The following RBMS3 variants were observed in gnomAD, a reference collection of about 807,000 sequenced individuals.
RBMS3 encodes RNA-binding motif, single-stranded-interacting protein 3.
A neutral mutation model predicts 66.8 loss-of-function variants in RBMS3; 27 were observed. The ratio of observed to expected loss-of-function variants is 0.40; its 90% CI spans 0.30 to 0.56. The LOEUF is 0.56. RBMS3 is among the 20% of genes least tolerant of loss of function. The probability of loss-of-function intolerance (pLI) is 0.40; values close to 1 mark genes in which losing one functional copy is unlikely to be tolerated. For synonymous variants in RBMS3, 188 were observed against 183.0 expected (o/e 1.03, Z -0.22); for missense variants, 513 against 549.5 (o/e 0.93, Z 0.66).
intron 1 of RBMS3, among the ~76,000 whole-genome samples, chr3:29,341,140 T>C (rs2125537543): frequency 6.6e-6 from 1 of 152,202 alleles, no homozygotes; most frequent in South Asian, 2.1e-4. Context: ...TAAAAATCCA[T>C]ATATAAAAAT....
chr3:29,504,043 C>T (rs1303429754), intron 3 of RBMS3, among the ~76,000 whole-genome samples: 1 of 152,092 alleles, frequency 6.6e-6, no homozygotes, highest in African/African-American at 2.4e-5. Context: ...GAATTCCCAG[C>T]CCACATTAGC....
intron 6 of RBMS3, among the ~76,000 whole-genome samples, chr3:29,793,627 C>A (rs2057086084): frequency 2.0e-5 from 3 of 152,172 alleles, no homozygotes. Context: ...ATGGCCAACT[C>A]CAACTCTCTT....
chr3:29,609,972 A>G (rs2048440074), intron 4 of RBMS3, among the ~76,000 whole-genome samples: 1 of 151,986 alleles, frequency 6.6e-6, no homozygotes, highest in Admixed American at 6.6e-5. Flanking sequence ...ATTTGACCTA[A>G]TCCTATTTGC....
chr3:29,328,718 G>A (rs754723517), intron 1 of RBMS3, among the ~76,000 whole-genome samples: 5 of 152,054 alleles, frequency 3.3e-5, no homozygotes, highest in Non-Finnish European at 7.4e-5. Context: ...GACCTCCATT[G>A]GGTTAGATCT....
rs2031788562 is a variant in RBMS3 at position 29,281,621 on chromosome 3, G to C, written c.-61G>C. ...GGAATAGTGGTTTAAGAGGAAGCTC[G>C]GCCTGGGGCACTATACCCTGTCATC... is the stretch of plus-strand genomic sequence containing the variant. On this transcript the variant is annotated 5_prime_UTR_variant, in exon 1 of 15. Transcript: ENST00000383767. 4.3e-6 allele frequency: 6 copies of C among 1,407,398 alleles called. No individual in the cohort carries two copies. In the Middle Eastern group the frequency reaches 1.1e-3, roughly 250 times the overall value. 87.2% of individuals were successfully genotyped at this position (1,407,398 alleles called of 1,614,324 possible).
intron 6 of RBMS3, among the ~76,000 whole-genome samples, chr3:29,841,952 C>A (rs2058672118): frequency 6.6e-6 from 1 of 152,056 alleles, no homozygotes; most frequent in Admixed American, 6.5e-5. Context: ...TTAGTAATTA[C>A]TTGTCTTTTT....
At chr3:29,851,031 C>A (rs758760763) in intron 6 of RBMS3, among the ~76,000 whole-genome samples, 1 of 152,234 alleles carries the variant, frequency 6.6e-6, no homozygotes, top group East Asian at 1.9e-4. Flanking sequence ...ATTGCTCCCT[C>A]CTTTCTTTTA....
intron 2 of RBMS3, among the ~76,000 whole-genome samples, chr3:29,486,474 A>G (rs918826478): frequency 6.6e-6 from 1 of 152,118 alleles, no homozygotes; most frequent in African/African-American, 2.4e-5. Context: ...ATCAAGAAAT[A>G]GTATGGTTTG....
intron 6 of RBMS3, among the ~76,000 whole-genome samples, chr3:29,801,927 T>TA (rs2057403599): frequency 6.6e-6 from 1 of 152,168 alleles, no homozygotes; most frequent in Non-Finnish European, 1.5e-5. Context: ...TTACAGCATA[T>TA]TTGTATATTC....
chr3:29,475,576 C>T (rs1293676696), intron 2 of RBMS3, among the ~76,000 whole-genome samples: 1 of 152,094 alleles, frequency 6.6e-6, no homozygotes, highest in African/African-American at 2.4e-5. Flanking sequence ...ATTTACACCA[C>T]AATTAAGAGT....
chr3:29,937,688 T>G (rs1229473240), intron 11 of RBMS3, among the ~76,000 whole-genome samples: 2 of 151,980 alleles, frequency 1.3e-5, no homozygotes, highest in South Asian at 2.1e-4. Context: ...TCACCTACAC[T>G]TTTAGAAATC....
intron 10 of RBMS3, among the ~76,000 whole-genome samples, chr3:29,932,130 C>A (rs1489950485): frequency 6.6e-6 from 1 of 152,122 alleles, no homozygotes; most frequent in East Asian, 1.9e-4. Flanking sequence ...AGAAGCCAAA[C>A]TGATCAAATT....
At chr3:29,733,164 A>T (rs2054207498) in intron 4 of RBMS3, among the ~76,000 whole-genome samples, 1 of 152,066 alleles carries the variant, frequency 6.6e-6, no homozygotes, top group African/African-American at 2.4e-5. Flanking sequence ...CTATAGTTGC[A>T]TGCTTGCTTT....
In RBMS3 at chr3:30,010,134, A is replaced by T. The variant is rs1414801934; in HGVS notation, c.*6272A>T. The T allele has an allele frequency of 1.3e-5, 2 of 151,632 alleles. No individual in the cohort carries two copies. Among genetic ancestry groups the T allele is most frequent in the African/African-American group, 4.8e-5 (2 of 41,298 alleles). The allele number at this position is 151,632 out of a possible 1,614,324, so 9.4% of individuals were successfully genotyped here. On this transcript the variant is annotated 3_prime_UTR_variant, in exon 15 of 15. Transcript: ENST00000383767. Reference sequence around the variant, plus strand: ...CTTGTTTCAGTCCATATTCAACTTCATGGAACTTCTGAAACATCATTCAAT... The same window carrying T: ...CTTGTTTCAGTCCATATTCAACTTCTTGGAACTTCTGAAACATCATTCAAT...
At chr3:29,731,105 G>A (rs2054113261) in intron 4 of RBMS3, 1 of 830,326 alleles carries the variant, frequency 1.2e-6, no homozygotes. Context: ...TGAAATAAAA[G>A]CCAGCCCAAG....
intron 6 of RBMS3, among the ~76,000 whole-genome samples, chr3:29,791,323 T>C (rs2057005540): frequency 6.6e-6 from 1 of 152,204 alleles, no homozygotes; most frequent in African/African-American, 2.4e-5. Context: ...AGAAATTCCA[T>C]GTTCCACAAT....
At chr3:29,905,132 C>T (rs566509908) in intron 10 of RBMS3, among the ~76,000 whole-genome samples, 1 of 151,768 alleles carries the variant, frequency 6.6e-6, no homozygotes, top group Admixed American at 6.6e-5. Flanking sequence ...TGTGTCACAC[C>T]TACTCAATTC....
intron 12 of RBMS3, among the ~76,000 whole-genome samples, chr3:29,955,579 G>A (rs552140033): frequency 9.9e-5 from 15 of 152,128 alleles, no homozygotes; most frequent in African/African-American, 3.6e-4. Context: ...CTGGACCCGT[G>A]AAACAGCTCT....
intron 10 of RBMS3, among the ~76,000 whole-genome samples, chr3:29,918,470 G>A (rs1242316999): frequency 6.6e-6 from 1 of 152,008 alleles, no homozygotes; most frequent in African/African-American, 2.4e-5. Context: ...TAAAACCTTT[G>A]ATCTGACAGG....
Sources: gnomAD v4.1 joint callset for allele counts (sites outside exome capture counted in the v4.1 genomes callset) on GRCh38, gnomAD v4.1.1 for gene constraint, MANE v1.5 for transcripts, NCBI Gene and HGNC (gene_info 2026-07-23, HGNC 2026-07-21) for gene names.